PPARGC1A: variants seen among roughly 807,000 people sequenced by gnomAD.
PPARGC1A encodes peroxisome proliferator-activated receptor gamma coactivator 1-alpha.
A neutral mutation model predicts 88.7 loss-of-function variants in PPARGC1A; 25 were observed. That is an observed-to-expected ratio of 0.28 (90% CI 0.21 to 0.39). The LOEUF is 0.39. PPARGC1A is among the 10% of genes least tolerant of loss of function. The probability of loss-of-function intolerance (pLI) is 1.00; values close to 1 mark genes in which losing one functional copy is unlikely to be tolerated. For missense variants in PPARGC1A, 880 were observed against 968.7 expected (o/e 0.91, Z 1.22); for synonymous variants, 363 against 355.6 (o/e 1.02, Z -0.24).
chr4:24,022,279 G>T, the PPARGC1A span, among the ~76,000 whole-genome samples: 1 of 151,834 alleles, frequency 6.6e-6, no homozygotes, highest in Non-Finnish European at 1.5e-5. Context: ...TTTTTTGTCA[G>T]TCTCTATCAC....
At chr4:24,415,373 C>T in the PPARGC1A span, among the ~76,000 whole-genome samples, 1 of 152,110 alleles carries the variant, frequency 6.6e-6, no homozygotes, top group African/African-American at 2.4e-5. Flanking sequence ...TTACCAATAG[C>T]CACACAGCAA....
At chr4:24,271,056 A>G in the PPARGC1A span, among the ~76,000 whole-genome samples, 1 of 152,234 alleles carries the variant, frequency 6.6e-6, no homozygotes, top group East Asian at 1.9e-4. Context: ...GCTGCCTTAT[A>G]TTTCAAATTG....
the PPARGC1A span, among the ~76,000 whole-genome samples, chr4:23,943,324 T>G: frequency 1.3e-5 from 2 of 151,840 alleles, no homozygotes; most frequent in Non-Finnish European, 2.9e-5. Flanking sequence ...CTAGCAAACA[T>G]GAGTGCAAAT....
chr4:24,323,265 A>C, the PPARGC1A span, among the ~76,000 whole-genome samples: 36 of 152,206 alleles, frequency 2.4e-4, no homozygotes, highest in African/African-American at 8.7e-4. Flanking sequence ...AATGATGAGA[A>C]GCTTCTGGGA....
chr4:23,910,037 G>T, the PPARGC1A span, among the ~76,000 whole-genome samples: 1 of 146,464 alleles, frequency 6.8e-6, no homozygotes, highest in African/African-American at 2.5e-5. Context: ...CAAGTCACTA[G>T]AAGACCAGAG....
chr4:24,081,469 C>T, the PPARGC1A span, among the ~76,000 whole-genome samples: 4 of 152,138 alleles, frequency 2.6e-5, no homozygotes, highest in African/African-American at 9.7e-5. Flanking sequence ...ATATCCCAGG[C>T]TTACTGGCTA....
At chr4:24,161,602 T>C in the PPARGC1A span, among the ~76,000 whole-genome samples, 2 of 152,148 alleles carry the variant, frequency 1.3e-5, no homozygotes, top group Non-Finnish European at 2.9e-5. Flanking sequence ...GAATGGAGCC[T>C]GGGCCGGCAG....
the PPARGC1A span, among the ~76,000 whole-genome samples, chr4:24,200,033 G>A: frequency 1.2e-4 from 18 of 152,076 alleles, no homozygotes; most frequent in Admixed American, 2.0e-4. Flanking sequence ...ATACTACAGA[G>A]TAGTTAAAAT....
the PPARGC1A span, among the ~76,000 whole-genome samples, chr4:24,113,210 A>G: frequency 6.6e-6 from 1 of 152,184 alleles, no homozygotes; most frequent in Non-Finnish European, 1.5e-5. Context: ...AACAATTGAT[A>G]TGTACCCAGC....
At chr4:24,166,817 A>C in the PPARGC1A span, among the ~76,000 whole-genome samples, 1 of 152,302 alleles carries the variant, frequency 6.6e-6, no homozygotes, top group South Asian at 2.1e-4. Context: ...GTTCCTTTCA[A>C]AAATATTACT....
Position 23,813,876 on chromosome 4 carries a change from A to C in PPARGC1A, c.1607T>G (p.Val536Gly). The C allele has an allele frequency of 6.2e-7, 1 of 1,614,092 alleles. No individual in the cohort carries two copies. The highest frequency in any genetic ancestry group is 1.1e-5 in the South Asian group (1 of 91,080). ...GTTAAAAGAAGAACAAGAAGGAGACACATTGAACAATGAATAGGATTGCGT... is the reference window on the plus strand; with the variant it reads ...GTTAAAAGAAGAACAAGAAGGAGACCCATTGAACAATGAATAGGATTGCGT... ...DGTQSYSLFN[V>G]SPSCSSFNSP... The change falls in exon 8 of 13, where the codon GTG becomes GGG. Residue 536 changes from valine to glycine, a missense_variant. Val to Gly is a moderately radical substitution (Grantham distance 109, BLOSUM62 -3). Transcript: ENST00000264867.
At chr4:24,367,920 C>G in the PPARGC1A span, among the ~76,000 whole-genome samples, 1 of 152,150 alleles carries the variant, frequency 6.6e-6, no homozygotes, top group Non-Finnish European at 1.5e-5. Flanking sequence ...TCCCAGGGTG[C>G]AGCTAGGAAA....
At chr4:24,064,566 C>A in the PPARGC1A span, among the ~76,000 whole-genome samples, 2 of 152,096 alleles carry the variant, frequency 1.3e-5, no homozygotes, top group African/African-American at 4.8e-5. Flanking sequence ...AAACGAGACA[C>A]AAAGCCTCCC....
At chr4:24,153,245 G>A in the PPARGC1A span, among the ~76,000 whole-genome samples, 4 of 152,020 alleles carry the variant, frequency 2.6e-5, no homozygotes, top group Admixed American at 6.6e-5. Flanking sequence ...TAGCCTCGTC[G>A]ATGAACATTT....
chr4:24,265,895 G>GAA, the PPARGC1A span, among the ~76,000 whole-genome samples: 1 of 145,766 alleles, frequency 6.9e-6, no homozygotes, highest in East Asian at 2.1e-4. Context: ...AGGAAAAGGG[G>GAA]AAAGGAGAGA....
chr4:23,979,573 C>G, the PPARGC1A span, among the ~76,000 whole-genome samples: 2 of 152,176 alleles, frequency 1.3e-5, no homozygotes, highest in African/African-American at 4.8e-5. Context: ...CATGCCATTA[C>G]TTGCTTCTCC....
the PPARGC1A span, among the ~76,000 whole-genome samples, chr4:24,140,869 A>G: frequency 6.6e-6 from 1 of 152,066 alleles, no homozygotes; most frequent in African/African-American, 2.4e-5. Flanking sequence ...CCCCATCCCA[A>G]TCAGCTCCTC....
chr4:24,349,022 C>G, the PPARGC1A span, among the ~76,000 whole-genome samples: 9 of 152,184 alleles, frequency 5.9e-5, no homozygotes, highest in African/African-American at 2.2e-4. Flanking sequence ...CCCCCTTTTC[C>G]TATGGATGTG....
the PPARGC1A span, among the ~76,000 whole-genome samples, chr4:24,247,479 A>G: frequency 6.6e-6 from 1 of 152,164 alleles, no homozygotes; most frequent in Non-Finnish European, 1.5e-5. Context: ...CCAGCTTATC[A>G]TCATTATGAT....
Sources: allele counts gnomAD v4.1 joint callset (sites outside exome capture counted in the v4.1 genomes callset), GRCh38; gene constraint gnomAD v4.1.1; transcripts MANE v1.5; gene names NCBI Gene and HGNC (gene_info 2026-07-23, HGNC 2026-07-21).